Variants in CRYBA4 observed in about 807,000 individuals in gnomAD.
The protein encoded by CRYBA4 is beta-crystallin A4.
Under a neutral mutation model 31.7 loss-of-function variants are expected in CRYBA4, and 30 were observed. The observed-to-expected ratio is 0.95, with a 90% CI of 0.71 to 1.28. CRYBA4 has a LOEUF of 1.28. CRYBA4 is among the 50% of genes most tolerant of loss of function. The probability of loss-of-function intolerance (pLI) is 0.00; values close to 1 mark genes in which losing one functional copy is unlikely to be tolerated. For synonymous variants in CRYBA4, 102 were observed against 102.3 expected, an observed-to-expected ratio of 1.00 and a Z score of 0.02; for missense variants, 225 against 260.7, an observed-to-expected ratio of 0.86 and a Z score of 0.94.
At chr22:26,592,119 A>G in the CRYBA4 span, among the ~76,000 whole-genome samples, 3 of 152,128 alleles carry the variant, frequency 2.0e-5, no homozygotes, top group Non-Finnish European at 4.4e-5. Flanking sequence ...ACAACATTAC[A>G]TAGTGTTTAT....
chr22:26,609,048 A>G, the CRYBA4 span, among the ~76,000 whole-genome samples: 1 of 152,222 alleles, frequency 6.6e-6, no homozygotes, highest in African/African-American at 2.4e-5. Context: ...CATTCCGTAG[A>G]TGAGAAAGCT....
At chr22:26,627,359 CCTTT>C (rs1245733367) in intron 4 of CRYBA4, among the ~76,000 whole-genome samples, 1,391 of 41,494 alleles carry the variant, frequency 0.034, 41 homozygotes, top group Non-Finnish European at 0.045. Context: ...CTCCCTCCCT[CCTTT>C]CTTTCTTTCT....
the CRYBA4 span, among the ~76,000 whole-genome samples, chr22:26,590,553 G>GT: frequency 6.6e-6 from 1 of 152,194 alleles, no homozygotes; most frequent in Non-Finnish European, 1.5e-5. Flanking sequence ...TTTGGAGGGA[G>GT]TTTTTGTGGA....
At chr22:26,616,954 C>T in the CRYBA4 span, among the ~76,000 whole-genome samples, 12 of 152,308 alleles carry the variant, frequency 7.9e-5, no homozygotes, top group South Asian at 2.3e-3. Context: ...ATTTATTCAC[C>T]GTCCATCCCT....
the CRYBA4 span, chr22:26,607,745 A>G: frequency 9.1e-7 from 1 of 1,094,910 alleles, no homozygotes; most frequent in Non-Finnish European, 1.4e-6. Context: ...GATGAGCTCA[A>G]GAATCCACGG....
chr22:26,612,096 C>T, the CRYBA4 span: 161 of 1,613,370 alleles, frequency 1.0e-4, no homozygotes, highest in East Asian at 1.1e-3. Context: ...AATGATGCTG[C>T]GCACACGGTC....
At chr22:26,592,404 G>C in the CRYBA4 span, among the ~76,000 whole-genome samples, 9 of 152,232 alleles carry the variant, frequency 5.9e-5, no homozygotes, top group Non-Finnish European at 1.3e-4. Flanking sequence ...ACCTGTAACT[G>C]ATGAGGCAGG....
At chr22:26,621,733 A>C (rs982663963), upstream of CRYBA4, among the ~76,000 whole-genome samples, 3 of 152,180 alleles carry the variant, frequency 2.0e-5, no homozygotes, top group African/African-American at 7.2e-5. Flanking sequence ...TGTGGGGCTG[A>C]TGAGGGCCAA....
At chr22:26,601,904 C>T in the CRYBA4 span, 1 of 1,612,332 alleles carries the variant, frequency 6.2e-7, no homozygotes, top group Non-Finnish European at 8.5e-7. Context: ...TTCACGCTGC[C>T]CACGCGGTCA....
chr22:26,595,965 T>C, the CRYBA4 span, among the ~76,000 whole-genome samples: 3 of 151,558 alleles, frequency 2.0e-5, no homozygotes, highest in African/African-American at 7.3e-5. Flanking sequence ...AGAGGTAAGG[T>C]CTCACCATCT....
chr22:26,595,906 G>T, the CRYBA4 span, among the ~76,000 whole-genome samples: 7 of 151,874 alleles, frequency 4.6e-5, no homozygotes, highest in Admixed American at 1.3e-4. Flanking sequence ...CACAGTAGCT[G>T]GGACTACAGG....
the CRYBA4 span, among the ~76,000 whole-genome samples, chr22:26,603,531 C>T: frequency 6.7e-6 from 1 of 148,840 alleles, no homozygotes; most frequent in Non-Finnish European, 1.5e-5. Flanking sequence ...CTGTCTCAAA[C>T]AACAACAACA....
chr22:26,616,083 G>A, the CRYBA4 span: 5 of 1,338,894 alleles, frequency 3.7e-6, no homozygotes, highest in South Asian at 5.9e-5. Context: ...AGAAGGAGGA[G>A]GAGGGAAGGA....
chr22:26,616,277 C>T, the CRYBA4 span: 1 of 1,614,070 alleles, frequency 6.2e-7, no homozygotes. Flanking sequence ...CCTGGGTTCA[C>T]CGCCACTGTG....
At chr22:26,619,212 A>T (rs1929456582), upstream of CRYBA4, among the ~76,000 whole-genome samples, 1 of 152,146 alleles carries the variant, frequency 6.6e-6, no homozygotes, top group Admixed American at 6.5e-5. Context: ...AGTAACAGAC[A>T]AAGAGAGAGG....
chr22:26,599,701 G>A, the CRYBA4 span: 1 of 1,600,262 alleles, frequency 6.2e-7, no homozygotes, highest in Admixed American at 1.7e-5. Context: ...AGGACAGAGT[G>A]GAGACAGCCT....
chr22:26,619,384 C>T (rs1376667380), upstream of CRYBA4, among the ~76,000 whole-genome samples: 1 of 152,142 alleles, frequency 6.6e-6, no homozygotes, highest in East Asian at 1.9e-4. Context: ...GAAACCGAGG[C>T]CCAGGTGGAA....
rs66906132 is a variant in CRYBA4 at position 26,629,734 on chromosome 22, C to CA, written c.444-584dup. Among the ~76,000 whole-genome samples, 24 of 80,616 alleles carry CA rather than the reference C, an allele frequency of 3.0e-4. 1 individual carries two copies. The highest frequency in any genetic ancestry group is 6.0e-4 in the Admixed American group (4 of 6,616). 52.9% of individuals were successfully genotyped at this position (80,616 alleles called of 152,430 possible). On this transcript the variant is annotated intron_variant, in intron 5 of 5. Transcript: ENST00000354760. Reference sequence around the variant, plus strand: ...TGGGCAACAGAGTGAGACTCTGTCTCAAAAAAAAAAAAAAAAAAAAAATCA... The same window carrying CA: ...TGGGCAACAGAGTGAGACTCTGTCTCAAAAAAAAAAAAAAAAAAAAAAATCA...
At chr22:26,616,037 A>C in the CRYBA4 span, 1 of 896,404 alleles carries the variant, frequency 1.1e-6, no homozygotes, top group Middle Eastern at 2.5e-4. Flanking sequence ...AGAGGTGCGG[A>C]GGAGTAAGAG....
Sources: allele counts gnomAD v4.1 joint callset (sites outside exome capture counted in the v4.1 genomes callset), GRCh38; gene constraint gnomAD v4.1.1; transcripts MANE v1.5; gene names NCBI Gene and HGNC (gene_info 2026-07-23, HGNC 2026-07-21).